The following C4BPA variants were observed in gnomAD, a reference collection of about 807,000 sequenced individuals.
C4BPA encodes C4b-binding protein alpha chain.
In C4BPA, 31 loss-of-function variants were observed where a neutral mutation model predicts 63.7. The observed-to-expected ratio is 0.49, with a 90% CI of 0.37 to 0.66. C4BPA has a LOEUF of 0.66. Ranked by LOEUF, C4BPA falls within the 30% of genes least tolerant of loss-of-function variation. The probability of loss-of-function intolerance (pLI) is 0.00; values close to 1 mark genes in which losing one functional copy is unlikely to be tolerated. For missense variants in C4BPA, 572 were observed against 723.3 expected (o/e 0.79, Z 2.40); for synonymous variants, 259 against 254.7 (o/e 1.02, Z -0.16).
intron 1 of C4BPA, among the ~76,000 whole-genome samples, chr1:207,106,857 G>T (rs1355601210): frequency 6.6e-6 from 1 of 152,102 alleles, no homozygotes; most frequent in African/African-American, 2.4e-5. Context: ...CTCTGCATCT[G>T]CAAAAAAGCA....
At chr1:207,127,004 T>A in intron 7 of C4BPA, 109 bp downstream of exon 7, 1 of 739,774 alleles carries the variant, frequency 1.4e-6, no homozygotes, top group Admixed American at 2.7e-5. Context: ...ACAGTAAAAA[T>A]TTACATCTAG....
rs188873487 is a variant in C4BPA, at chr1:207,141,599, T to C, written c.1444+323T>C. 2.6e-5 allele frequency among the ~76,000 whole-genome samples: 4 copies of C among 152,318 alleles called. No homozygotes were observed. In the East Asian group the frequency reaches 7.7e-4, roughly 29 times the overall value. ...CCTGTGGCCTGTGGCAAAGTTTCCATAGAAACTTGCTCTAGTATGAATATA... is the reference window on the plus strand; with the variant it reads ...CCTGTGGCCTGTGGCAAAGTTTCCACAGAAACTTGCTCTAGTATGAATATA... On this transcript the variant is annotated intron_variant, in intron 10 of 11. Transcript: ENST00000367070.
At chr1:207,124,612 T>G (rs1684996387) in intron 6 of C4BPA, among the ~76,000 whole-genome samples, 1 of 152,294 alleles carries the variant, frequency 6.6e-6, no homozygotes, top group Non-Finnish European at 1.5e-5. Context: ...AACATCTCAC[T>G]GGTTTGGTGA....
In C4BPA at chr1:207,144,670, C is replaced by A. The variant is rs1685495092; in HGVS notation, c.1747C>A (p.Leu583Ile). ...GTCTCTGGAAATTGAACAACTGGAA[C>A]TACAGAGAGACAGCGCAAGACAATC... ...KLSLEIEQLE[L>I]QRDSARQSTL... is the part of the protein sequence containing the mutation. The change falls in exon 12 of 12, where the codon CTA (leucine) becomes ATA (isoleucine). Residue 583 changes from leucine to isoleucine, a missense_variant. Around this residue, in one of 2 missense-constraint regions of C4BPA, gnomAD observed 465 missense variants for 629.4 expected, o/e 0.74. Coordinates refer to ENST00000367070, the MANE Select transcript of C4BPA (RefSeq NM_000715.4). The A allele has an allele frequency of 1.2e-6, 2 of 1,613,612 alleles. No individual in the cohort carries two copies. Among genetic ancestry groups the A allele is most frequent in the South Asian group, 1.1e-5 (1 of 91,052 alleles).
At chr1:207,107,410 G>A (rs1377202658) in intron 1 of C4BPA, among the ~76,000 whole-genome samples, 1 of 152,164 alleles carries the variant, frequency 6.6e-6, no homozygotes, top group Non-Finnish European at 1.5e-5. Context: ...TTAGCTGGGT[G>A]TGATGGCACG....
At chr1:207,131,974 G>C (rs985675049) in intron 8 of C4BPA, among the ~76,000 whole-genome samples, 1 of 152,208 alleles carries the variant, frequency 6.6e-6, no homozygotes, top group African/African-American at 2.4e-5. Context: ...AGTAGACACA[G>C]AAGTCAAACA....
At chr1:207,111,947 G>A (rs1388043743) in intron 1 of C4BPA, among the ~76,000 whole-genome samples, 1 of 151,728 alleles carries the variant, frequency 6.6e-6, no homozygotes, top group African/African-American at 2.4e-5. Context: ...TATTTTTATA[G>A]ATTTACAGTA....
chr1:207,115,587 C>A, intron 4 of C4BPA, 72 bp downstream of exon 4: 2 of 827,126 alleles, frequency 2.4e-6, no homozygotes, highest in East Asian at 3.2e-5. Context: ...TCGTATATTT[C>A]AAAATTTAAA....
intron 1 of C4BPA, 104 bp downstream of exon 1, chr1:207,104,534 G>A (rs1276673252): frequency 1.3e-5 from 2 of 152,230 alleles, no homozygotes; most frequent in African/African-American, 4.8e-5. Context: ...CAAAAGCTTG[G>A]AGGTGTTTTC....
intron 9 of C4BPA, among the ~76,000 whole-genome samples, chr1:207,138,537 C>T (rs1244708948): frequency 3.9e-5 from 6 of 152,208 alleles, no homozygotes; most frequent in Non-Finnish European, 8.8e-5. Context: ...TATGGTGTAA[C>T]TGTCCTGTTG....
chr1:207,104,830 T>C (rs1430951717), intron 1 of C4BPA, among the ~76,000 whole-genome samples: 1 of 152,192 alleles, frequency 6.6e-6, no homozygotes, highest in African/African-American at 2.4e-5. Flanking sequence ...TTTCTTAGTC[T>C]ACATTCTGAA....
intron 4 of C4BPA, among the ~76,000 whole-genome samples, chr1:207,121,280 TTC>T (rs1405006534): frequency 6.6e-6 from 1 of 152,200 alleles, no homozygotes; most frequent in African/African-American, 2.4e-5. Context: ...TCTCATATAC[TTC>T]TGTTTTATTA....
At chr1:207,122,467 C>G (rs10864083) in intron 4 of C4BPA, among the ~76,000 whole-genome samples, 12 of 152,102 alleles carry the variant, frequency 7.9e-5, no homozygotes, top group African/African-American at 1.9e-4. Context: ...TACTTTTACT[C>G]TTAGTTGTTT....
chr1:207,117,260 G>A (rs566293306), intron 4 of C4BPA, among the ~76,000 whole-genome samples: 29 of 152,172 alleles, frequency 1.9e-4, no homozygotes, highest in African/African-American at 7.0e-4. Flanking sequence ...GACCAGCCCG[G>A]GCAACACAGG....
chr1:207,131,847 A>C, intron 8 of C4BPA, 107 bp downstream of exon 8: 1 of 753,006 alleles, frequency 1.3e-6, no homozygotes, highest in Non-Finnish European at 2.1e-6. Flanking sequence ...GTTTAGAATT[A>C]AGTTAATTCA....
rs148820908 is a variant in C4BPA, at chr1:207,107,571, T to G, written c.-26+3141T>G. 3.8e-3 allele frequency among the ~76,000 whole-genome samples: 584 copies of G among 152,034 alleles called. 2 individuals carry two copies. The highest frequency in any genetic ancestry group is 0.013 in the African/African-American group (547 of 41,480). On this transcript the variant is annotated intron_variant, in intron 1 of 11. Coordinates refer to ENST00000367070, the MANE Select transcript of C4BPA (RefSeq NM_000715.4). The stretch of plus-strand genomic sequence containing the variant: ...GTCTCAAAAAAGAAATCCAGAATGT[T>G]TTTGGGGAAGGGTAAGTGCCTCCTT...
chr1:207,113,111 C>T lies in C4BPA; in HGVS notation c.86C>T (p.Ser29Phe), dbSNP rs549139180. ...AWPFSRLWKVSDPILFQMTLI... is the reference protein window; with the variant it reads ...AWPFSRLWKVFDPILFQMTLI... ...CCCTTCTCCAGGCTGTGGAAAGTCTCTGATCCAATTCTCTTCCAAATGACC... is the reference window on the plus strand; with the variant it reads ...CCCTTCTCCAGGCTGTGGAAAGTCTTTGATCCAATTCTCTTCCAAATGACC... Residue 29 changes from serine to phenylalanine, a missense_variant, in exon 2 of 12, where the codon TCT (serine) becomes TTT (phenylalanine). Transcript: ENST00000367070. The T allele has an allele frequency of 2.8e-5, 45 of 1,611,254 alleles. No individual in the cohort carries two copies. In the South Asian group the frequency reaches 4.0e-4, roughly 14 times the overall value.
intron 6 of C4BPA, among the ~76,000 whole-genome samples, chr1:207,125,912 C>T (rs1276428623): frequency 1.3e-5 from 2 of 152,058 alleles, no homozygotes; most frequent in African/African-American, 4.8e-5. Context: ...ATTGCCAGGA[C>T]TGGATGACTG....
chr1:207,143,465 C>T lies in C4BPA; in HGVS notation c.1445-353C>T, dbSNP rs539828174. On this transcript the variant is annotated intron_variant, in intron 10 of 11. Transcript: ENST00000367070. ...AAACCTGTAGATTCTGCACATGTAT[C>T]CCAGAACTTAAAGTATAATAAAAAA... 1.2e-3 allele frequency among the ~76,000 whole-genome samples: 190 copies of T among 152,090 alleles called. 1 individual carries two copies. In the Middle Eastern group the frequency reaches 0.024, roughly 19 times the overall value.
Sources: gnomAD v4.1 joint callset for allele counts (sites outside exome capture counted in the v4.1 genomes callset) on GRCh38, gnomAD v4.1.1 for gene constraint, gnomAD v4.1.1 regional missense constraint, MANE v1.5 for transcripts, NCBI Gene and HGNC (gene_info 2026-07-23, HGNC 2026-07-21) for gene names.